Variants in RASGRF1 observed in about 807,000 individuals in gnomAD.
RASGRF1 encodes Ras protein specific guanine nucleotide releasing factor 1.
A neutral mutation model predicts 138.7 loss-of-function variants in RASGRF1; 40 were observed. The ratio of observed to expected loss-of-function variants is 0.29; its 90% CI spans 0.22 to 0.38. The LOEUF (loss-of-function observed/expected upper bound fraction) is 0.38. RASGRF1 is among the 10% of genes least tolerant of loss of function. The pLI is 1.00. For missense variants in RASGRF1, 1,108 were observed against 1,650.4 expected, an observed-to-expected ratio of 0.67 and a Z score of 5.69; for synonymous variants, 614 against 663.2, an observed-to-expected ratio of 0.93 and a Z score of 1.14.
At chr15:79,012,261 C>G (rs1462675774) in intron 13 of RASGRF1, among the ~76,000 whole-genome samples, 1 of 152,180 alleles carries the variant, frequency 6.6e-6, no homozygotes, top group Admixed American at 6.5e-5. Flanking sequence ...GCCCTTCCCC[C>G]TCAGTCGTCT....
Position 79,027,663 on chromosome 15 carries a change from C to T in RASGRF1, c.1381+78G>A, listed in dbSNP as rs111889738. The T allele has an allele frequency of 1.1e-5, 15 of 1,329,280 alleles. No homozygotes were observed. In the East Asian group the frequency reaches 1.6e-4, roughly 14 times the overall value. The allele number at this position is 1,329,280 out of a possible 1,614,324, so 82.3% of individuals were successfully genotyped here. A position where few individuals can be genotyped will look rare whatever the true frequency, so the allele number is the denominator to read the frequency against. ...ATGTGGCAGCCAAACCAACTGGTGG[C>T]GTCCCCGAGTGCCGCCTCCCTCCCG... On this transcript the variant is annotated intron_variant, in intron 9 of 26. Transcript: ENST00000558480. This position sits in a 1 kb window ranked among gnomAD's most constrained non-coding sequence, Gnocchi z 4.8.
intron 4 of RASGRF1, among the ~76,000 whole-genome samples, chr15:79,048,307 G>A (rs1411904367): frequency 6.6e-6 from 1 of 152,138 alleles, no homozygotes; most frequent in Non-Finnish European, 1.5e-5. Flanking sequence ...GCTGGCTGCT[G>A]TTATGTGCAG....
intron 1 of RASGRF1, among the ~76,000 whole-genome samples, chr15:79,079,731 A>G (rs890887933): frequency 6.6e-6 from 1 of 152,242 alleles, no homozygotes; most frequent in African/African-American, 2.4e-5. Flanking sequence ...TTGAAGGAGC[A>G]TTGTCACTGT....
At chr15:79,039,190 A>G (rs912870345) in intron 5 of RASGRF1, among the ~76,000 whole-genome samples, 6 of 150,668 alleles carry the variant, frequency 4.0e-5, no homozygotes, top group African/African-American at 1.5e-4. Context: ...GGTCCCAGCT[A>G]CTAAGGAGGT....
Position 79,006,222 on chromosome 15 carries a change from G to A in RASGRF1, c.2039C>T (p.Thr680Ile). ...TAIVVLDKLI[T>I]IYKKPISAIP... ...GGCACTGATAGGCTTCTTGTAGATG[G>A]TAATGAGCTTGTCCAGGACCACGAT... The change falls in exon 14 of 27, where the codon ACC becomes ATC. Residue 680 changes from threonine to isoleucine, a missense_variant. Thr to Ile is a moderately conservative substitution (Grantham distance 89). This residue lies in a region of RASGRF1 where 686 missense variants were observed against 976.7 expected (regional missense o/e 0.70). Coordinates refer to ENST00000558480, the MANE Select transcript of RASGRF1 (RefSeq NM_001145648.3). This position sits in a 1 kb window ranked among gnomAD's most constrained non-coding sequence, Gnocchi z 4.0. The A allele has an allele frequency of 6.2e-7, 1 of 1,614,234 alleles. No homozygotes were observed. The highest frequency in any genetic ancestry group is 8.5e-7 in the Non-Finnish European group (1 of 1,180,052).
chr15:79,017,809 G>C lies in RASGRF1; in HGVS notation c.1704C>G (p.Ser568=). ...PPFTVILVAS[S]RQEKAAWTSD... is the part of the protein sequence containing the mutation. ...TGGTCCACGCTGCCTTCTCCTGTCT[G>C]GACGAGGCCACTAGGATGACTGTAA... The change falls in exon 12 of 27, where the codon TCC becomes TCG. Residue 568 remains serine (S), a synonymous_variant. Coordinates refer to ENST00000558480, the MANE Select transcript of RASGRF1 (RefSeq NM_001145648.3). 6.2e-7 allele frequency: 1 copy of C among 1,612,398 alleles called. No individual in the cohort carries two copies. Among genetic ancestry groups the C allele is most frequent in the South Asian group, 1.1e-5 (1 of 90,678 alleles).
At position 79,006,221 on chromosome 15, in the gene RASGRF1, G is replaced by C. The variant is rs188095300; in HGVS notation, c.2040C>G (p.Thr680=). The C allele has an allele frequency of 2.5e-5, 41 of 1,614,226 alleles. 1 individual carries two copies. The Admixed American group carries it at 6.5e-4, about 26-fold the overall frequency. ...TAIVVLDKLI[T]IYKKPISAIP... is the part of the protein sequence containing the mutation. The stretch of plus-strand genomic sequence containing the variant: ...TGGCACTGATAGGCTTCTTGTAGAT[G>C]GTAATGAGCTTGTCCAGGACCACGA... The change falls in exon 14 of 27, where the codon ACC becomes ACG. Residue 680 remains threonine (T), a synonymous_variant. Coordinates refer to ENST00000558480, the MANE Select transcript of RASGRF1 (RefSeq NM_001145648.3). This position sits in a 1 kb window ranked among gnomAD's most constrained non-coding sequence, Gnocchi z 4.0.
intron 26 of RASGRF1, among the ~76,000 whole-genome samples, chr15:78,964,567 C>A (rs1240397146): frequency 1.3e-5 from 2 of 152,224 alleles, no homozygotes; most frequent in African/African-American, 4.8e-5. Flanking sequence ...ACTTCTGAGA[C>A]TTTCCAGGGC....
chr15:78,987,721 A>T (rs1273627023), intron 22 of RASGRF1, among the ~76,000 whole-genome samples: 1 of 151,544 alleles, frequency 6.6e-6, no homozygotes, highest in Non-Finnish European at 1.5e-5. Flanking sequence ...AAACAAAAAA[A>T]ACCAAAAAAC....
rs2055563548 is a variant in RASGRF1, at chr15:78,962,379, T to C, written c.3682-143A>G. On this transcript the variant is annotated intron_variant, in intron 26 of 26. Transcript: ENST00000558480. ...TATGAGGCAAAAATGCATTCAGTAG[T>C]GTTCCATCTTGACATAAGTTTTAAG... The C allele has an allele frequency of 6.7e-6, 4 of 599,744 alleles. No homozygotes were observed. In the African/African-American group the frequency reaches 7.4e-5, roughly 11 times the overall value. 37.2% of individuals were successfully genotyped at this position (599,744 alleles called of 1,614,324 possible). A position where few individuals can be genotyped will look rare whatever the true frequency, so the allele number is the denominator to read the frequency against.
In RASGRF1 at chr15:79,046,660, C is replaced by A. The variant is rs2057357460; in HGVS notation, c.878+86G>T. The A allele has an allele frequency of 3.2e-6, 5 of 1,569,180 alleles. No individual in the cohort carries two copies. The highest frequency in any genetic ancestry group is 4.3e-6 in the Non-Finnish European group (5 of 1,151,196). On this transcript the variant is annotated intron_variant, in intron 5 of 26. Coordinates refer to ENST00000558480, the MANE Select transcript of RASGRF1 (RefSeq NM_001145648.3). The surrounding 1 kb of genome is among the most constrained non-coding windows in gnomAD (Gnocchi z 5.3). Reference sequence around the variant, plus strand: ...GGGCCTCATCTGCACTCGGTGGGAACCACGTGAGAGAGTGTGTCAAAGCTT... The same window carrying A: ...GGGCCTCATCTGCACTCGGTGGGAAACACGTGAGAGAGTGTGTCAAAGCTT...
At chr15:78,985,401 T>C (rs2056131776) in intron 22 of RASGRF1, 197 bp from the exon 23 acceptor site, 1 of 543,702 alleles carries the variant, frequency 1.8e-6, no homozygotes, top group Admixed American at 3.4e-5. Context: ...ATATATACAT[T>C]AGCAATAATC....
At chr15:79,025,587 T>C (rs1342900456) in intron 9 of RASGRF1, 113 bp from the exon 10 acceptor site, 2 of 1,307,518 alleles carry the variant, frequency 1.5e-6, no homozygotes, top group Admixed American at 2.4e-5. Context: ...GTCCATTCTG[T>C]TTCCCAGTAG....
At chr15:79,008,863 C>A (rs138807335) in intron 13 of RASGRF1, among the ~76,000 whole-genome samples, 2 of 152,178 alleles carry the variant, frequency 1.3e-5, no homozygotes, top group African/African-American at 4.8e-5. Flanking sequence ...TGCAGCGCTC[C>A]GGAAAGATGC....
At position 79,032,322 on chromosome 15, in the gene RASGRF1, A is replaced by G; in HGVS notation, c.959-6T>C. 1 of 1,613,594 alleles carries G rather than the reference A, an allele frequency of 6.2e-7. No individual in the cohort carries two copies. ...CAGGATGTCAAATAGGTCAGCTGGA[A>G]GGACGAGGCAGTCAGCGGGTGGCTA... On this transcript the variant is annotated splice_region_variant and splice_polypyrimidine_tract_variant and intron_variant, in intron 6 of 26. Coordinates refer to ENST00000558480, the MANE Select transcript of RASGRF1 (RefSeq NM_001145648.3). The surrounding 1 kb of genome is among the most constrained non-coding windows in gnomAD (Gnocchi z 4.5).
chr15:79,010,893 C>T (rs1328109757), intron 13 of RASGRF1, among the ~76,000 whole-genome samples: 3 of 152,130 alleles, frequency 2.0e-5, no homozygotes, highest in Non-Finnish European at 4.4e-5. Context: ...TGCGGGAAGG[C>T]CTGGATGCAT....
intron 5 of RASGRF1, among the ~76,000 whole-genome samples, chr15:79,040,639 G>A (rs1310432328): frequency 1.7e-5 from 2 of 117,434 alleles, no homozygotes; most frequent in Admixed American, 9.9e-5. Flanking sequence ...TTATCAGAGC[G>A]AGAGCGAGAG....
chr15:79,090,657 G>A lies in RASGRF1; in HGVS notation c.-159C>T, dbSNP rs994658309. 1 of 1,024,394 alleles carries A rather than the reference G, an allele frequency of 9.8e-7. No individual in the cohort carries two copies. Among genetic ancestry groups the A allele is most frequent in the Non-Finnish European group, 1.4e-6 (1 of 717,862 alleles). The allele number at this position is 1,024,394 out of a possible 1,614,324, so 63.5% of individuals were successfully genotyped here. On this transcript the variant is annotated 5_prime_UTR_variant, in exon 1 of 27. Transcript: ENST00000558480. ...TATCTACACTCCAGGATCTGGCGCCGAGCCGCGGCTTCTTGAATCCAGATA... is the reference window on the plus strand; with the variant it reads ...TATCTACACTCCAGGATCTGGCGCCAAGCCGCGGCTTCTTGAATCCAGATA...
chr15:79,000,054 G>GCTGGTGTGTGTGTGTGTCT lies in RASGRF1; in HGVS notation c.2576-160_2576-142dup, dbSNP rs1418244627. 6.0e-6 allele frequency: 5 copies of GCTGGTGTGTGTGTGTGTCT among 837,014 alleles called. No homozygotes were observed. In the African/African-American group the frequency reaches 8.5e-5, roughly 14 times the overall value. 51.8% of individuals were successfully genotyped at this position (837,014 alleles called of 1,614,324 possible). A position where few individuals can be genotyped will look rare whatever the true frequency, so the allele number is the denominator to read the frequency against. On this transcript the variant is annotated intron_variant, in intron 16 of 26. Transcript: ENST00000558480. ...AGGGTACCAGGGCATGTCGGGTGGT[G>GCTGGTGTGTGTGTGTGTCT]CTGGTGTGTGTGTGTGTCTCTCTCT...
Sources: gnomAD v4.1 joint callset for allele counts (sites outside exome capture counted in the v4.1 genomes callset) on GRCh38, gnomAD v4.1.1 for gene constraint, gnomAD v4.1.1 regional missense constraint, Gnocchi (gnomAD v3.1) non-coding constraint, MANE v1.5 for transcripts, NCBI Gene and HGNC (gene_info 2026-07-23, HGNC 2026-07-21) for gene names.